PARD3: variants seen among roughly 807,000 people sequenced by gnomAD.
PARD3 encodes the protein partitioning defective 3 homolog.
In PARD3, 75 loss-of-function variants were observed where a neutral mutation model predicts 155.4. The observed-to-expected ratio is 0.48, with a 90% CI of 0.40 to 0.58. PARD3 has a LOEUF of 0.58. PARD3 is among the 20% of genes least tolerant of loss of function. PARD3 has a pLI of 0.00. For missense variants in PARD3, 1,642 were observed against 1,721.7 expected, an observed-to-expected ratio of 0.95 and a Z score of 0.82; for synonymous variants, 576 against 610.5, an observed-to-expected ratio of 0.94 and a Z score of 0.83.
At position 34,392,815 on chromosome 10, in the gene PARD3, G is replaced by C. The variant is rs1029150506; in HGVS notation, c.890+6515C>G. On this transcript the variant is annotated intron_variant, in intron 7 of 24. Coordinates refer to ENST00000374788, the MANE Select transcript of PARD3 (RefSeq NM_001184785.2). ...GGAAATCAAAATCCTGTACACTCTT[G>C]TCCCCCAAAGATATGAATAGAAAAC... is the stretch of plus-strand genomic sequence containing the variant. Among the ~76,000 whole-genome samples, 14 of 151,956 alleles carry C rather than the reference G, an allele frequency of 9.2e-5. No homozygotes were observed. The East Asian group carries it at 2.7e-3, about 29-fold the overall frequency.
At chr10:34,589,636 C>CAAAAAAA (rs35357373) in intron 2 of PARD3, among the ~76,000 whole-genome samples, 1 of 84,298 alleles carries the variant, frequency 1.2e-5, no homozygotes, top group African/African-American at 4.5e-5. Context: ...AGTACATGTC[C>CAAAAAAA]AAAAAAAAAA....
chr10:34,294,357 G>T (rs1339831369), intron 20 of PARD3, among the ~76,000 whole-genome samples: 1 of 152,222 alleles, frequency 6.6e-6, no homozygotes, highest in East Asian at 1.9e-4. Context: ...ACCCTTGTAT[G>T]TTCATAGAGC....
chr10:34,450,806 C>A (rs761698473), intron 4 of PARD3, among the ~76,000 whole-genome samples: 20 of 152,190 alleles, frequency 1.3e-4, no homozygotes, highest in Non-Finnish European at 1.8e-4. Context: ...TCAACTGTGG[C>A]ATTTTCCCTT....
At chr10:34,534,351 G>A (rs2083072719) in intron 2 of PARD3, among the ~76,000 whole-genome samples, 1 of 152,070 alleles carries the variant, frequency 6.6e-6, no homozygotes, top group Non-Finnish European at 1.5e-5. Flanking sequence ...AATGGAAAGA[G>A]GTGAGTTCCA....
intron 5 of PARD3, among the ~76,000 whole-genome samples, chr10:34,429,902 AT>A (rs1264976628): frequency 6.6e-6 from 1 of 151,808 alleles, no homozygotes; most frequent in South Asian, 2.1e-4. Flanking sequence ...GTTATTTTTA[AT>A]TTTTTTTGTA....
chr10:34,725,519 C>A (rs1028315731), intron 1 of PARD3, among the ~76,000 whole-genome samples: 1 of 152,088 alleles, frequency 6.6e-6, no homozygotes, highest in Non-Finnish European at 1.5e-5. Context: ...GTATTCGTTG[C>A]CATTCTGATA....
At chr10:34,716,923 A>C (rs911146650) in intron 1 of PARD3, among the ~76,000 whole-genome samples, 1 of 152,118 alleles carries the variant, frequency 6.6e-6, no homozygotes, top group Non-Finnish European at 1.5e-5. Flanking sequence ...CCCAACACAT[A>C]TTCATAAACT....
At chr10:34,670,520 C>G (rs2093591474) in intron 2 of PARD3, among the ~76,000 whole-genome samples, 1 of 152,194 alleles carries the variant, frequency 6.6e-6, no homozygotes, top group Non-Finnish European at 1.5e-5. Flanking sequence ...ACTTTGGGAC[C>G]TTTGCGGGAG....
intron 22 of PARD3, among the ~76,000 whole-genome samples, chr10:34,182,750 A>G (rs909568276): frequency 1.7e-3 from 254 of 151,886 alleles, no homozygotes; most frequent in African/African-American, 5.8e-3. Flanking sequence ...CTTAAAAAAA[A>G]AAAAAAAAAA....
intron 2 of PARD3, among the ~76,000 whole-genome samples, chr10:34,665,840 A>AGAAC (rs1554804220): frequency 7.3e-6 from 1 of 136,584 alleles, no homozygotes; most frequent in Non-Finnish European, 1.5e-5. Context: ...GTCTCAATTA[A>AGAAC]AGAACAGAAC....
chr10:34,311,964 A>G (rs1957724602), intron 20 of PARD3, among the ~76,000 whole-genome samples: 1 of 152,124 alleles, frequency 6.6e-6, no homozygotes, highest in African/African-American at 2.4e-5. Flanking sequence ...TGGTTACACA[A>G]CACAACCAAA....
chr10:34,355,946 AC>A (rs374766005), intron 14 of PARD3, among the ~76,000 whole-genome samples: 4,271 of 102,836 alleles, frequency 0.042, 371 homozygotes, highest in African/African-American at 0.18. Context: ...AAAAAAAAAA[AC>A]AAAACAAAAC....
intron 22 of PARD3, among the ~76,000 whole-genome samples, chr10:34,185,874 T>C (rs1778883): frequency 0.19 from 28,768 of 148,352 alleles, 3,672 homozygotes; most frequent in Non-Finnish European, 0.27. Context: ...GGAATATCCA[T>C]ATTACACATT....
At chr10:34,758,331 C>T (rs1281766311) in intron 1 of PARD3, among the ~76,000 whole-genome samples, 1 of 152,092 alleles carries the variant, frequency 6.6e-6, no homozygotes. Flanking sequence ...TAGTATGCTC[C>T]CCATTTTACA....
intron 22 of PARD3, among the ~76,000 whole-genome samples, chr10:34,164,871 GA>G (rs1949451687): frequency 6.6e-6 from 1 of 152,134 alleles, no homozygotes; most frequent in Admixed American, 6.5e-5. Context: ...TAGCATTTCT[GA>G]AGCGCACTGA....
At chr10:34,252,390 CCT>C (rs377098113) in intron 22 of PARD3, among the ~76,000 whole-genome samples, 1 of 146,132 alleles carries the variant, frequency 6.8e-6, no homozygotes, top group African/African-American at 2.7e-5. Flanking sequence ...CTTGTTATCT[CCT>C]CGTCCTTCCT....
chr10:34,130,472 T>C (rs1050143659), intron 23 of PARD3, among the ~76,000 whole-genome samples: 5 of 152,208 alleles, frequency 3.3e-5, no homozygotes, highest in Non-Finnish European at 5.9e-5. Flanking sequence ...CTGGACTTCC[T>C]AATACCCCAT....
intron 2 of PARD3, among the ~76,000 whole-genome samples, chr10:34,546,248 T>G (rs2084042590): frequency 6.6e-6 from 1 of 152,134 alleles, no homozygotes; most frequent in Non-Finnish European, 1.5e-5. Flanking sequence ...CCGGGCACAG[T>G]GGCTCACACC....
chr10:34,727,143 T>C (rs144649987), intron 1 of PARD3, among the ~76,000 whole-genome samples: 2 of 152,308 alleles, frequency 1.3e-5, no homozygotes, highest in East Asian at 1.9e-4. Flanking sequence ...CCTTCCAATA[T>C]GTTTAAAGAC....
Sources: gnomAD v4.1 joint callset for allele counts (sites outside exome capture counted in the v4.1 genomes callset) on GRCh38, gnomAD v4.1.1 for gene constraint, MANE v1.5 for transcripts, NCBI Gene and HGNC (gene_info 2026-07-23, HGNC 2026-07-21) for gene names.